Variants in ELAVL2 observed in about 807,000 individuals in gnomAD.
ELAVL2 encodes ELAV like RNA binding protein 2.
Under a neutral mutation model 34.6 loss-of-function variants are expected in ELAVL2, and 4 were observed. The ratio of observed to expected loss-of-function variants is 0.12; its 90% CI spans 0.06 to 0.26. ELAVL2 has a LOEUF of 0.26. Ranked by LOEUF, ELAVL2 falls within the 10% of genes least tolerant of loss-of-function variation. The pLI is 1.00. For missense variants in ELAVL2, 432 were observed against 442.8 expected, an observed-to-expected ratio of 0.98 and a Z score of 0.22; for synonymous variants, 193 against 154.8, an observed-to-expected ratio of 1.25 and a Z score of -1.83.
chr9:23,774,676 A>C (rs553649732), intron 1 of ELAVL2, among the ~76,000 whole-genome samples: 1 of 130,926 alleles, frequency 7.6e-6, no homozygotes, highest in South Asian at 3.0e-4. Flanking sequence ...TCCCCATAAA[A>C]ATACACATCT....
At chr9:23,847,649 G>T in the ELAVL2 span, among the ~76,000 whole-genome samples, 1 of 151,982 alleles carries the variant, frequency 6.6e-6, no homozygotes, top group Non-Finnish European at 1.5e-5. Context: ...AAAAATGTTT[G>T]TATTTTGTAG....
chr9:23,791,347 A>G (rs2060295721), intron 1 of ELAVL2, among the ~76,000 whole-genome samples: 1 of 152,218 alleles, frequency 6.6e-6, no homozygotes, highest in South Asian at 2.1e-4. Flanking sequence ...GGGGAAAAGA[A>G]TCATTTCTGT....
intron 2 of ELAVL2, among the ~76,000 whole-genome samples, chr9:23,756,943 TC>T (rs1397550512): frequency 1.3e-5 from 2 of 152,026 alleles, no homozygotes; most frequent in Non-Finnish European, 1.5e-5. Flanking sequence ...TACAAGTGAT[TC>T]CAATGCGGGA....
chr9:23,694,802 G>C (rs2034517807), intron 5 of ELAVL2, among the ~76,000 whole-genome samples: 1 of 152,190 alleles, frequency 6.6e-6, no homozygotes, highest in Non-Finnish European at 1.5e-5. Flanking sequence ...CTTATGCAAA[G>C]TGTAAGGAAA....
At chr9:23,770,077 G>A (rs377112410) in intron 1 of ELAVL2, among the ~76,000 whole-genome samples, 5 of 152,318 alleles carry the variant, frequency 3.3e-5, no homozygotes, top group South Asian at 2.1e-4. Context: ...CAGCTCCCAC[G>A]AATTCAGGAG....
intron 2 of ELAVL2, among the ~76,000 whole-genome samples, chr9:23,741,078 G>T (rs575320195): frequency 4.6e-5 from 7 of 152,284 alleles, no homozygotes; most frequent in Admixed American, 3.3e-4. Flanking sequence ...CATCGCAGGG[G>T]TTTCAGGCTT....
intron 3 of ELAVL2, among the ~76,000 whole-genome samples, chr9:23,715,475 G>T (rs1185486769): frequency 7.2e-5 from 11 of 152,208 alleles, no homozygotes; most frequent in African/African-American, 2.4e-4. Context: ...TACCTCTCAA[G>T]CAAGATGATT....
At chr9:23,801,302 G>A (rs1276966123) in intron 1 of ELAVL2, among the ~76,000 whole-genome samples, 2 of 152,056 alleles carry the variant, frequency 1.3e-5, no homozygotes. Context: ...TAAACTCAAA[G>A]AAATTTTCTC....
chr9:23,787,145 G>A (rs778038469), intron 1 of ELAVL2, among the ~76,000 whole-genome samples: 1 of 152,128 alleles, frequency 6.6e-6, no homozygotes, highest in Non-Finnish European at 1.5e-5. Flanking sequence ...GTTGGACAGG[G>A]TAGGATGACA....
At chr9:23,849,244 A>G in the ELAVL2 span, among the ~76,000 whole-genome samples, 7 of 152,330 alleles carry the variant, frequency 4.6e-5, no homozygotes, top group African/African-American at 1.7e-4. Flanking sequence ...AACACTTTAA[A>G]AAGTGGGATG....
intron 2 of ELAVL2, among the ~76,000 whole-genome samples, chr9:23,752,121 G>A (rs1197451406): frequency 6.6e-6 from 1 of 152,146 alleles, no homozygotes; most frequent in African/African-American, 2.4e-5. Context: ...ACAAAAGTCT[G>A]CAACTGTCAC....
chr9:23,731,155 T>G lies in ELAVL2; in HGVS notation c.230-30A>C, dbSNP rs376561798. On this transcript the variant is annotated intron_variant, in intron 2 of 6. Coordinates refer to ENST00000397312, the MANE Select transcript of ELAVL2 (RefSeq NM_004432.5). ...TGAAAAGGAAGGGGAAAAAGGCATA[T>G]ATTAGTTCTATACTGTTGACAGAGA... 9.0e-5 allele frequency: 143 copies of G among 1,594,774 alleles called. 2 individuals carry two copies. The South Asian group carries it at 1.6e-3, about 18-fold the overall frequency.
At chr9:23,712,259 G>C (rs1373905138) in intron 3 of ELAVL2, among the ~76,000 whole-genome samples, 3 of 150,362 alleles carry the variant, frequency 2.0e-5, no homozygotes, top group Non-Finnish European at 3.0e-5. Context: ...TTCATCACGG[G>C]ATTTTCCATT....
At chr9:23,702,921 A>AGCT (rs2037795058) in intron 4 of ELAVL2, among the ~76,000 whole-genome samples, 1 of 136,902 alleles carries the variant, frequency 7.3e-6, no homozygotes, top group Non-Finnish European at 1.5e-5. Context: ...TCTAGAATTT[A>AGCT]GCTGTTCCAT....
chr9:23,711,251 T>C (rs1190959835), intron 3 of ELAVL2, among the ~76,000 whole-genome samples: 1 of 152,150 alleles, frequency 6.6e-6, no homozygotes, highest in Non-Finnish European at 1.5e-5. Flanking sequence ...AATATAGGAT[T>C]TAGAAAACTA....
At chr9:23,762,925 T>G (rs2055370413) in intron 1 of ELAVL2, among the ~76,000 whole-genome samples, 2 of 152,072 alleles carry the variant, frequency 1.3e-5, no homozygotes. Flanking sequence ...CTATGAATAC[T>G]TTGTCTAACT....
chr9:23,803,869 C>T (rs1283542491), intron 1 of ELAVL2, among the ~76,000 whole-genome samples: 1 of 152,146 alleles, frequency 6.6e-6, no homozygotes, highest in Non-Finnish European at 1.5e-5. Context: ...CATAAACTCA[C>T]GTTTTCTTCC....
rs1233475796 is a variant in ELAVL2 at position 23,690,707 on chromosome 9, C to A, written c.*1850G>T. On this transcript the variant is annotated 3_prime_UTR_variant, in exon 7 of 7. Coordinates refer to ENST00000397312, the MANE Select transcript of ELAVL2 (RefSeq NM_004432.5). ...CAACTATGTTATGCATAGCACATTG[C>A]CTGTTCTAAGGGGAAGCATGTGAGC... 2.0e-5 allele frequency: 3 copies of A among 152,470 alleles called. No individual in the cohort carries two copies. Among genetic ancestry groups the A allele is most frequent in the African/African-American group, 7.2e-5 (3 of 41,402 alleles). The allele number at this position is 152,470 out of a possible 1,614,324, so 9.4% of individuals were successfully genotyped here.
chr9:23,849,087 A>T, the ELAVL2 span, among the ~76,000 whole-genome samples: 2 of 152,242 alleles, frequency 1.3e-5, no homozygotes, highest in African/African-American at 2.4e-5. Context: ...ACATTGTCAC[A>T]AATACTGTGT....
Sources: allele counts gnomAD v4.1 joint callset (sites outside exome capture counted in the v4.1 genomes callset), GRCh38; gene constraint gnomAD v4.1.1; transcripts MANE v1.5; gene names NCBI Gene and HGNC (gene_info 2026-07-23, HGNC 2026-07-21).